NPRL3: variants seen among roughly 807,000 people sequenced by gnomAD.
NPRL3 encodes GATOR1 complex protein NPRL3.
A neutral mutation model predicts 57.2 loss-of-function variants in NPRL3; 23 were observed. That is an observed-to-expected ratio of 0.40 (90% CI 0.29 to 0.57). NPRL3 has a LOEUF of 0.57. Ranked by LOEUF, NPRL3 falls within the 20% of genes least tolerant of loss-of-function variation. The pLI, the probability that NPRL3 is intolerant of heterozygous loss-of-function variation, is 0.42. For synonymous variants in NPRL3, 333 were observed against 321.1 expected (o/e 1.04, Z -0.39); for missense variants, 691 against 767.1 (o/e 0.90, Z 1.17).
At chr16:128,164 G>C (rs757777835) in intron 3 of NPRL3, among the ~76,000 whole-genome samples, 5 of 152,004 alleles carry the variant, frequency 3.3e-5, no homozygotes, top group Admixed American at 1.3e-4. Context: ...ACAAATTTTT[G>C]TATTTTTAGT....
chr16:95,684 C>T (rs1898976518), intron 9 of NPRL3, among the ~76,000 whole-genome samples: 1 of 152,188 alleles, frequency 6.6e-6, no homozygotes, highest in African/African-American at 2.4e-5. Context: ...ATCCTCCCAC[C>T]TCAGCCTCCT....
At chr16:123,699 C>T (rs562150393) in intron 3 of NPRL3, among the ~76,000 whole-genome samples, 1 of 151,962 alleles carries the variant, frequency 6.6e-6, no homozygotes, top group Non-Finnish European at 1.5e-5. Context: ...GACTAAGCAA[C>T]TTACCAGACA....
chr16:101,490 C>T (rs1288598586), intron 7 of NPRL3, among the ~76,000 whole-genome samples: 5 of 152,222 alleles, frequency 3.3e-5, no homozygotes, highest in Non-Finnish European at 4.4e-5. Flanking sequence ...TTGGTTCTTT[C>T]GGGTCCCAAA....
intron 4 of NPRL3, among the ~76,000 whole-genome samples, chr16:118,918 G>T (rs1486690640): frequency 1.3e-5 from 2 of 149,332 alleles, no homozygotes; most frequent in Non-Finnish European, 3.0e-5. Flanking sequence ...TTCCCAGAGG[G>T]TCTGTACCTG....
intron 6 of NPRL3, among the ~76,000 whole-genome samples, chr16:112,270 G>T (rs184962670): frequency 6.6e-6 from 1 of 152,314 alleles, no homozygotes; most frequent in African/African-American, 2.4e-5. Flanking sequence ...ATCCAGCCAG[G>T]AAAATTCATC....
In NPRL3 at chr16:85,586, C is replaced by G. The variant is rs762830589; in HGVS notation, c.*1119G>C. On this transcript the variant is annotated 3_prime_UTR_variant, in exon 14 of 14. Coordinates refer to ENST00000611875, the MANE Select transcript of NPRL3 (RefSeq NM_001077350.3). ...CAACAAGAGCTTTGACCAGAGGGAC[C>G]TGGCACAGGATGAAGCTGTATGGCT... is the stretch of plus-strand genomic sequence containing the variant. 11 of 1,613,062 alleles carry G rather than the reference C, an allele frequency of 6.8e-6. No individual in the cohort carries two copies. The South Asian group carries it at 7.7e-5, about 11-fold the overall frequency.
At chr16:115,270 T>A (rs947138860) in intron 5 of NPRL3, among the ~76,000 whole-genome samples, 17 of 152,106 alleles carry the variant, frequency 1.1e-4, no homozygotes, top group African/African-American at 4.1e-4. Context: ...CCACTGTGCC[T>A]GGACAAAAGT....
At chr16:88,537 C>T (rs906184179) in intron 13 of NPRL3, among the ~76,000 whole-genome samples, 161 bp downstream of exon 13, 4 of 152,192 alleles carry the variant, frequency 2.6e-5, no homozygotes, top group Non-Finnish European at 4.4e-5. Flanking sequence ...CAGGCCTGGG[C>T]AGTGGCACCT....
At chr16:136,111 T>G (rs1476974006) in intron 2 of NPRL3, among the ~76,000 whole-genome samples, 1 of 152,202 alleles carries the variant, frequency 6.6e-6, no homozygotes, top group Non-Finnish European at 1.5e-5. Context: ...CCATGCTACT[T>G]TGGGGATTTA....
At chr16:126,531 C>A (rs919990628) in intron 3 of NPRL3, among the ~76,000 whole-genome samples, 6 of 152,082 alleles carry the variant, frequency 3.9e-5, no homozygotes, top group Non-Finnish European at 8.8e-5. Flanking sequence ...GCTCCCCATT[C>A]TCTGAGGTAG....
At chr16:136,745 G>C (rs1360968118) in intron 2 of NPRL3, among the ~76,000 whole-genome samples, 1 of 151,540 alleles carries the variant, frequency 6.6e-6, no homozygotes, top group Non-Finnish European at 1.5e-5. Context: ...AGAAGGTCCT[G>C]GAAAGACACA....
chr16:115,173 C>T (rs942434723), intron 5 of NPRL3, among the ~76,000 whole-genome samples: 1 of 151,824 alleles, frequency 6.6e-6, no homozygotes, highest in Non-Finnish European at 1.5e-5. Flanking sequence ...TGGGGTTTCG[C>T]TATGTTGCCC....
intron 7 of NPRL3, among the ~76,000 whole-genome samples, chr16:107,784 C>T (rs540393092): frequency 4.5e-4 from 68 of 152,298 alleles, no homozygotes; most frequent in Non-Finnish European, 9.1e-4. Flanking sequence ...ACCTTGGCCT[C>T]GCCTGTGAGA....
chr16:138,515 GCGGAGGGGGCC>G, intron 1 of NPRL3, 116 bp downstream of exon 1: 2 of 24,166 alleles, frequency 8.3e-5, no homozygotes, highest in Non-Finnish European at 9.6e-5. Flanking sequence ...AGGGGTGGAG[GCGGAGGGGGCC>G]TGAGTAGGGC....
chr16:120,188 T>G (rs1900224834), intron 3 of NPRL3, among the ~76,000 whole-genome samples: 1 of 152,048 alleles, frequency 6.6e-6, no homozygotes, highest in Admixed American at 6.6e-5. Flanking sequence ...CCCATACATA[T>G]CTCTCCACCC....
intron 7 of NPRL3, among the ~76,000 whole-genome samples, chr16:104,653 A>C (rs376702858): frequency 2.6e-5 from 4 of 152,312 alleles, no homozygotes; most frequent in African/African-American, 9.6e-5. Context: ...TTTCCCAAGC[A>C]TCAGCTCACC....
At chr16:122,876 C>T (rs1174998471) in intron 3 of NPRL3, among the ~76,000 whole-genome samples, 2 of 152,188 alleles carry the variant, frequency 1.3e-5, no homozygotes, top group Non-Finnish European at 2.9e-5. Context: ...CACCCACCTC[C>T]TTGCTGGAAG....
intron 5 of NPRL3, among the ~76,000 whole-genome samples, chr16:114,376 A>G (rs549355329): frequency 1.3e-5 from 2 of 152,340 alleles, no homozygotes; most frequent in African/African-American, 2.4e-5. Flanking sequence ...TAGAAACACC[A>G]TATTTTCACC....
At chr16:103,204 C>T (rs978596744) in intron 7 of NPRL3, among the ~76,000 whole-genome samples, 1 of 150,634 alleles carries the variant, frequency 6.6e-6, no homozygotes, top group Admixed American at 6.6e-5. Context: ...TGCAGTGGCG[C>T]CATCTCCGCT....
Sources: allele counts gnomAD v4.1 joint callset (sites outside exome capture counted in the v4.1 genomes callset), GRCh38; gene constraint gnomAD v4.1.1; transcripts MANE v1.5; gene names NCBI Gene and HGNC (gene_info 2026-07-23, HGNC 2026-07-21).